Variants in PLEKHA5 observed in about 807,000 individuals in gnomAD.
The protein encoded by PLEKHA5 is pleckstrin homology domain containing A5, also known as pleckstrin homology domain-containing family A member 5.
In PLEKHA5, 55 loss-of-function variants were observed where a neutral mutation model predicts 181.9. That is an observed-to-expected ratio of 0.30 (90% CI 0.24 to 0.38). PLEKHA5 has a LOEUF of 0.38. Among genes scored for constraint, PLEKHA5 ranks in the 10% least tolerant of loss-of-function variants. The probability of loss-of-function intolerance (pLI) is 1.00; values close to 1 mark genes in which losing one functional copy is unlikely to be tolerated. For missense variants in PLEKHA5, 1,432 were observed against 1,549.5 expected (o/e 0.92, Z 1.27); for synonymous variants, 535 against 529.4 (o/e 1.01, Z -0.15).
At chr12:19,288,319 G>C (rs563533359) in intron 13 of PLEKHA5, among the ~76,000 whole-genome samples, 1 of 152,132 alleles carries the variant, frequency 6.6e-6, no homozygotes, top group Non-Finnish European at 1.5e-5. Context: ...TGTAACAAGC[G>C]TTCGATCAAA....
At chr12:19,139,188 A>G (rs1298018190) in intron 3 of PLEKHA5, among the ~76,000 whole-genome samples, 1 of 152,180 alleles carries the variant, frequency 6.6e-6, no homozygotes, top group Non-Finnish European at 1.5e-5. Context: ...AGAAAAAAAG[A>G]GGTCAAAAGC....
chr12:19,162,389 ATATT>A (rs988106595), intron 3 of PLEKHA5, among the ~76,000 whole-genome samples: 17 of 152,298 alleles, frequency 1.1e-4, no homozygotes, highest in African/African-American at 4.1e-4. Flanking sequence ...ACATCGATAA[ATATT>A]TATTGGGTGC....
chr12:19,204,569 C>G (rs554263070), intron 3 of PLEKHA5, among the ~76,000 whole-genome samples: 1 of 152,222 alleles, frequency 6.6e-6, no homozygotes, highest in Admixed American at 6.5e-5. Context: ...CATGCATACA[C>G]AGAATATTTT....
chr12:19,182,455 T>C (rs1384698235), intron 3 of PLEKHA5, among the ~76,000 whole-genome samples: 2 of 152,224 alleles, frequency 1.3e-5, no homozygotes, highest in Non-Finnish European at 2.9e-5. Context: ...TGACAAAATT[T>C]AATGGAACCA....
At chr12:19,374,467 G>A (rs1356807159) in intron 31 of PLEKHA5, among the ~76,000 whole-genome samples, 1 of 148,928 alleles carries the variant, frequency 6.7e-6, no homozygotes, top group African/African-American at 2.5e-5. Context: ...AGACCATTGT[G>A]GCCAACATGG....
At chr12:19,178,845 CA>C (rs1374148488) in intron 3 of PLEKHA5, among the ~76,000 whole-genome samples, 1 of 152,160 alleles carries the variant, frequency 6.6e-6, no homozygotes, top group African/African-American at 2.4e-5. Context: ...AAACAACTCT[CA>C]AAACACAAAG....
At chr12:19,162,183 C>T (rs2043111083) in intron 3 of PLEKHA5, among the ~76,000 whole-genome samples, 1 of 151,984 alleles carries the variant, frequency 6.6e-6, no homozygotes, top group Non-Finnish European at 1.5e-5. Context: ...CCCTGGATTC[C>T]ATGGAATACT....
At position 19,262,137 on chromosome 12, in the gene PLEKHA5, TCTC is replaced by T. The variant is rs1294506292; in HGVS notation, c.610+1117_610+1119del. ...TTATCCTTAAGCTTATAATTTCTCT[TCTC>T]GTCTCTTTTTCAGTATATTTATGGA... On this transcript the variant is annotated intron_variant, in intron 7 of 31. Transcript: ENST00000429027. 8.5e-5 allele frequency among the ~76,000 whole-genome samples: 13 copies of T among 152,340 alleles called. No homozygotes were observed. In the South Asian group the frequency reaches 2.3e-3, roughly 27 times the overall value.
chr12:19,231,594 G>A (rs2060590382), intron 3 of PLEKHA5, among the ~76,000 whole-genome samples: 3 of 86,730 alleles, frequency 3.5e-5, no homozygotes, highest in Admixed American at 1.7e-4. Flanking sequence ...ATTTATATAT[G>A]TACACATATA....
At chr12:19,257,599 T>C (rs1056017696) in intron 6 of PLEKHA5, 62 bp downstream of exon 6, 2 of 872,806 alleles carry the variant, frequency 2.3e-6, no homozygotes, top group Admixed American at 2.2e-5. Context: ...TTAAACTGAA[T>C]GTACCTAAGA....
intron 8 of PLEKHA5, among the ~76,000 whole-genome samples, chr12:19,269,075 A>G (rs1188283342): frequency 6.6e-6 from 1 of 152,074 alleles, no homozygotes; most frequent in Non-Finnish European, 1.5e-5. Flanking sequence ...TTCTTAAATA[A>G]AGAATATTTA....
At chr12:19,158,101 C>T (rs558958362) in intron 3 of PLEKHA5, among the ~76,000 whole-genome samples, 1 of 152,164 alleles carries the variant, frequency 6.6e-6, no homozygotes, top group South Asian at 2.1e-4. Flanking sequence ...GCCTGTAATG[C>T]TAGCACTTTG....
intron 6 of PLEKHA5, among the ~76,000 whole-genome samples, chr12:19,259,764 T>C (rs1003145267): frequency 6.7e-6 from 1 of 149,408 alleles, no homozygotes; most frequent in Admixed American, 6.8e-5. Flanking sequence ...AAAAAAAAAA[T>C]TGAAGATATC....
At chr12:19,192,999 G>A (rs1231071295) in intron 3 of PLEKHA5, among the ~76,000 whole-genome samples, 1 of 152,166 alleles carries the variant, frequency 6.6e-6, no homozygotes, top group Non-Finnish European at 1.5e-5. Flanking sequence ...TAGCAAAGTT[G>A]ATAGTTTTGA....
rs148870528 is a variant in PLEKHA5, at chr12:19,225,140, C to G, written c.228-28800C>G. Among the ~76,000 whole-genome samples, 56 of 152,226 alleles carry G rather than the reference C, an allele frequency of 3.7e-4. No individual in the cohort carries two copies. In the East Asian group the frequency reaches 8.3e-3, roughly 23 times the overall value. Reference sequence around the variant, plus strand: ...CCTTGATTCCATACAGTAGGAAGTGCCCATCAGTACTTGTCCTTTTACAGC... The same window carrying G: ...CCTTGATTCCATACAGTAGGAAGTGGCCATCAGTACTTGTCCTTTTACAGC... On this transcript the variant is annotated intron_variant, in intron 3 of 31. Coordinates refer to ENST00000429027, the MANE Select transcript of PLEKHA5 (RefSeq NM_001256470.2).
chr12:19,319,852 T>G (rs942626893), intron 16 of PLEKHA5, 169 bp from the exon 17 acceptor site: 6 of 455,360 alleles, frequency 1.3e-5, no homozygotes, highest in Admixed American at 4.4e-5. Context: ...TTAAGTACAC[T>G]GAATAATTCC....
intron 11 of PLEKHA5, among the ~76,000 whole-genome samples, chr12:19,281,231 A>G (rs2076063485): frequency 2.0e-5 from 3 of 151,806 alleles, no homozygotes; most frequent in Admixed American, 6.6e-5. Flanking sequence ...CATCTCAAAA[A>G]AAAAAAAAAA....
chr12:19,271,355 ATTAGCTGGGC>A (rs1413753558), intron 10 of PLEKHA5, among the ~76,000 whole-genome samples: 1 of 152,072 alleles, frequency 6.6e-6, no homozygotes. Flanking sequence ...AAATACAAAA[ATTAGCTGGGC>A]GTAGTACCAC....
intron 17 of PLEKHA5, 66 bp from the exon 18 acceptor site, chr12:19,320,496 A>T (rs1475000629): frequency 1.4e-6 from 1 of 717,848 alleles, no homozygotes; most frequent in Non-Finnish European, 2.4e-6. Context: ...CCAAAGTATT[A>T]ATTAATAGGG....
Sources: allele counts gnomAD v4.1 joint callset (sites outside exome capture counted in the v4.1 genomes callset), GRCh38; gene constraint gnomAD v4.1.1; transcripts MANE v1.5; gene names NCBI Gene and HGNC (gene_info 2026-07-23, HGNC 2026-07-21).